Variants in RANBP2 observed in about 807,000 individuals in gnomAD.
RANBP2 encodes E3 SUMO-protein ligase RanBP2.
RANBP2 carries 57 observed loss-of-function variants against 303.6 expected under a neutral mutation model. The observed-to-expected ratio is 0.19, with a 90% CI of 0.15 to 0.23. The LOEUF (loss-of-function observed/expected upper bound fraction) is 0.23. Ranked by LOEUF, RANBP2 falls within the 10% of genes least tolerant of loss-of-function variation. RANBP2 has a pLI of 1.00. For synonymous variants in RANBP2, 1,167 were observed against 1,301.5 expected (o/e 0.90, Z 2.23); for missense variants, 3,138 against 3,780.8 (o/e 0.83, Z 4.46).
At chr2:109,242,799 A>G in the RANBP2 span, among the ~76,000 whole-genome samples, 1 of 152,048 alleles carries the variant, frequency 6.6e-6, no homozygotes, top group Non-Finnish European at 1.5e-5. Flanking sequence ...AAGTTTGGAG[A>G]GGATGGGGAC....
the RANBP2 span, among the ~76,000 whole-genome samples, chr2:108,998,203 A>C: frequency 6.6e-6 from 1 of 152,134 alleles, no homozygotes; most frequent in Admixed American, 6.5e-5. Context: ...CAACAAGACC[A>C]TGATCTCTTC....
At chr2:109,461,051 A>G in the RANBP2 span, among the ~76,000 whole-genome samples, 1 of 152,226 alleles carries the variant, frequency 6.6e-6, no homozygotes, top group Non-Finnish European at 1.5e-5. Flanking sequence ...GCAGGCTGGG[A>G]GAGAGAAGGC....
chr2:109,663,818 C>A, the RANBP2 span, among the ~76,000 whole-genome samples: 1 of 152,200 alleles, frequency 6.6e-6, no homozygotes, highest in Non-Finnish European at 1.5e-5. Flanking sequence ...AGAATCCACA[C>A]GCCAGCAAAG....
chr2:109,574,296 G>C, the RANBP2 span, among the ~76,000 whole-genome samples: 1 of 150,988 alleles, frequency 6.6e-6, no homozygotes, highest in Non-Finnish European at 1.5e-5. Context: ...AAATTAAAAA[G>C]TTAGCTGGGT....
chr2:108,914,343 G>A, the RANBP2 span, among the ~76,000 whole-genome samples: 1 of 152,118 alleles, frequency 6.6e-6, no homozygotes, highest in African/African-American at 2.4e-5. Flanking sequence ...AACTACCCAT[G>A]GCCTCCTTGG....
chr2:108,754,795 G>A, intron 15 of RANBP2, 110 bp from the exon 16 acceptor site: 1 of 1,518,322 alleles, frequency 6.6e-7, no homozygotes, highest in Non-Finnish European at 9.0e-7. Context: ...AGTGTAAAGT[G>A]CCTATTAAAG....
chr2:108,943,918 C>T, the RANBP2 span, among the ~76,000 whole-genome samples: 5 of 152,222 alleles, frequency 3.3e-5, no homozygotes. Flanking sequence ...AGTTACGTTG[C>T]TTCCAAAACA....
At chr2:109,372,862 CA>C in the RANBP2 span, among the ~76,000 whole-genome samples, 3 of 152,364 alleles carry the variant, frequency 2.0e-5, no homozygotes, top group Admixed American at 1.3e-4. Flanking sequence ...AGCTTTGCCA[CA>C]CCTACCACAC....
chr2:109,655,562 G>T, the RANBP2 span, among the ~76,000 whole-genome samples: 1 of 152,086 alleles, frequency 6.6e-6, no homozygotes, highest in African/African-American at 2.4e-5. Flanking sequence ...CTCCATCGAG[G>T]GTCAGCACCC....
the RANBP2 span, among the ~76,000 whole-genome samples, chr2:109,493,133 C>A: frequency 6.9e-6 from 1 of 144,084 alleles, no homozygotes; most frequent in East Asian, 2.4e-4. Flanking sequence ...AACACACATA[C>A]CCCACATACA....
At chr2:108,881,286 C>T in the RANBP2 span, among the ~76,000 whole-genome samples, 1 of 152,320 alleles carries the variant, frequency 6.6e-6, no homozygotes, top group Non-Finnish European at 1.5e-5. Context: ...CCTCATGAAC[C>T]AACCTCTGCT....
At chr2:109,406,630 A>G in the RANBP2 span, among the ~76,000 whole-genome samples, 1 of 152,160 alleles carries the variant, frequency 6.6e-6, no homozygotes, top group Non-Finnish European at 1.5e-5. Flanking sequence ...CCATTTGTAT[A>G]TCATCCGCAG....
chr2:108,886,460 G>C, the RANBP2 span, among the ~76,000 whole-genome samples: 1 of 152,038 alleles, frequency 6.6e-6, no homozygotes, highest in East Asian at 1.9e-4. Flanking sequence ...TGTCACCCAG[G>C]CTGGAGTGCA....
chr2:109,565,495 C>T, the RANBP2 span, among the ~76,000 whole-genome samples: 5 of 152,210 alleles, frequency 3.3e-5, no homozygotes, highest in Non-Finnish European at 5.9e-5. Context: ...CTGAACACTA[C>T]TTTCCACATT....
chr2:109,398,475 G>A, the RANBP2 span: 14 of 937,378 alleles, frequency 1.5e-5, no homozygotes, highest in African/African-American at 4.9e-5. Flanking sequence ...GCAGTCTGAC[G>A]GATTTGAATG....
chr2:109,588,930 A>G, the RANBP2 span, among the ~76,000 whole-genome samples: 1 of 151,904 alleles, frequency 6.6e-6, no homozygotes, highest in East Asian at 1.9e-4. Context: ...AAAATTCTCT[A>G]TTAATCCAAA....
chr2:109,526,906 C>T, the RANBP2 span, among the ~76,000 whole-genome samples: 1 of 152,124 alleles, frequency 6.6e-6, no homozygotes, highest in Non-Finnish European at 1.5e-5. Context: ...TCAGCCAGCA[C>T]ATGTTCGACT....
chr2:109,532,211 G>T, the RANBP2 span, among the ~76,000 whole-genome samples: 26 of 152,328 alleles, frequency 1.7e-4, no homozygotes, highest in African/African-American at 6.3e-4. Flanking sequence ...CAGGAGGTGT[G>T]GGCAGAAGCA....
At chr2:109,040,253 G>A in the RANBP2 span, among the ~76,000 whole-genome samples, 2 of 152,080 alleles carry the variant, frequency 1.3e-5, no homozygotes, top group Non-Finnish European at 2.9e-5. Flanking sequence ...CATAAATCAA[G>A]TGTCTGTATA....
Sources: allele counts gnomAD v4.1 joint callset (sites outside exome capture counted in the v4.1 genomes callset), GRCh38; gene constraint gnomAD v4.1.1; transcripts MANE v1.5; gene names NCBI Gene and HGNC (gene_info 2026-07-23, HGNC 2026-07-21).